The following PTK7 variants were observed in gnomAD, a reference collection of about 807,000 sequenced individuals.
PTK7 encodes the protein inactive tyrosine-protein kinase 7.
In PTK7, 39 loss-of-function variants were observed where a neutral mutation model predicts 116.6. That is an observed-to-expected ratio of 0.33 (90% CI 0.26 to 0.44). PTK7 has a LOEUF of 0.44. Ranked by LOEUF, PTK7 falls within the 20% of genes least tolerant of loss-of-function variation. PTK7 has a pLI of 1.00. For synonymous variants in PTK7, 546 were observed against 563.6 expected (o/e 0.97, Z 0.44); for missense variants, 1,169 against 1,425.6 (o/e 0.82, Z 2.90).
At chr6:43,107,444 A>G (rs1303866489) in intron 1 of PTK7, among the ~76,000 whole-genome samples, 1 of 152,228 alleles carries the variant, frequency 6.6e-6, no homozygotes, top group African/African-American at 2.4e-5. Flanking sequence ...CCTTATCTGC[A>G]TAATGGGGAT....
At chr6:43,104,166 C>G (rs1246311776) in intron 1 of PTK7, among the ~76,000 whole-genome samples, 1 of 152,000 alleles carries the variant, frequency 6.6e-6, no homozygotes, top group Non-Finnish European at 1.5e-5. Flanking sequence ...TATTTCTGAT[C>G]TTATTAATTA....
chr6:43,101,202 C>T lies in PTK7; in HGVS notation c.79+24635C>T, dbSNP rs1340114753. On this transcript the variant is annotated intron_variant, in intron 1 of 19. Transcript: ENST00000230419. Reference sequence around the variant, plus strand: ...TGCACTCCAGCCTGGGCAACAAGAGCGAAGCTCTGTCTCAAAAAAAAAAAA... The same window carrying T: ...TGCACTCCAGCCTGGGCAACAAGAGTGAAGCTCTGTCTCAAAAAAAAAAAA... Among the ~76,000 whole-genome samples the T allele has an allele frequency of 1.2e-4, 15 of 129,344 alleles. No homozygotes were observed. In the East Asian group the frequency reaches 3.1e-3, roughly 26 times the overall value. 84.9% of individuals were successfully genotyped at this position (129,344 alleles called of 152,430 possible).
In PTK7 at chr6:43,160,949, G is replaced by A. The variant is rs1407717941; in HGVS notation, c.*68G>A. On this transcript the variant is annotated 3_prime_UTR_variant, in exon 20 of 20. Transcript: ENST00000230419. ...TCTAGAGGGAAGCTCACAGCATGATGGGCAAGATCCCTGTCCTCCTGGGCC... is the reference window on the plus strand; with the variant it reads ...TCTAGAGGGAAGCTCACAGCATGATAGGCAAGATCCCTGTCCTCCTGGGCC... 6.4e-7 allele frequency: 1 copy of A among 1,563,758 alleles called. No individual in the cohort carries two copies. Among genetic ancestry groups the A allele is most frequent in the African/African-American group, 1.4e-5 (1 of 74,024 alleles).
chr6:43,094,071 T>C (rs1347209737), intron 1 of PTK7, among the ~76,000 whole-genome samples: 1 of 152,228 alleles, frequency 6.6e-6, no homozygotes, highest in Non-Finnish European at 1.5e-5. Context: ...ATTCAGAGGC[T>C]GGAGTAAAGT....
At chr6:43,095,153 A>G (rs1013066564) in intron 1 of PTK7, among the ~76,000 whole-genome samples, 3 of 144,486 alleles carry the variant, frequency 2.1e-5, no homozygotes, top group Non-Finnish European at 3.0e-5. Flanking sequence ...TGAGGTAGGG[A>G]GTTCGAGACC....
intron 1 of PTK7, among the ~76,000 whole-genome samples, chr6:43,089,047 G>A (rs1213234673): frequency 6.6e-6 from 1 of 152,134 alleles, no homozygotes; most frequent in African/African-American, 2.4e-5. Context: ...GGTGCTCCAG[G>A]CCCTGCCTCA....
chr6:43,153,246 G>A (rs576050920), intron 17 of PTK7, among the ~76,000 whole-genome samples: 17 of 152,094 alleles, frequency 1.1e-4, no homozygotes, highest in African/African-American at 1.7e-4. Flanking sequence ...GAGTAGCTGG[G>A]ACTACAGGCG....
chr6:43,109,191 G>T (rs941932805), intron 1 of PTK7, among the ~76,000 whole-genome samples: 4 of 152,114 alleles, frequency 2.6e-5, no homozygotes, highest in Non-Finnish European at 5.9e-5. Context: ...TTCAAGCTGA[G>T]CCTGAACCTT....
chr6:43,105,941 G>C (rs536881889), intron 1 of PTK7, among the ~76,000 whole-genome samples: 1 of 152,284 alleles, frequency 6.6e-6, no homozygotes, highest in South Asian at 2.1e-4. Flanking sequence ...GCAGCCCTGG[G>C]AAACTGATAG....
chr6:43,091,986 C>T (rs981329669), intron 1 of PTK7, among the ~76,000 whole-genome samples: 7 of 152,150 alleles, frequency 4.6e-5, no homozygotes, highest in African/African-American at 1.7e-4. Flanking sequence ...CCTTAGCCCC[C>T]TGAGCAGCTG....
At chr6:43,116,157 C>T (rs1032758863) in intron 1 of PTK7, among the ~76,000 whole-genome samples, 1 of 152,078 alleles carries the variant, frequency 6.6e-6, no homozygotes, top group African/African-American at 2.4e-5. Context: ...TTGTAAGACC[C>T]CTCCCCAGAA....
At chr6:43,155,308 G>C (rs1217473332) in intron 17 of PTK7, among the ~76,000 whole-genome samples, 1 of 152,028 alleles carries the variant, frequency 6.6e-6, no homozygotes, top group East Asian at 1.9e-4. Context: ...CAGGTGCCTG[G>C]CTTCAATTTA....
Position 43,076,774 on chromosome 6 carries a change from A to AC in PTK7, c.79+211dup, listed in dbSNP as rs1178908197. Reference sequence around the variant, plus strand: ...AAGCCTCCAGGGACGCGGTCAGGGTACCCCTCCCACTCGCGCCGCGGGGAC... The same window carrying AC: ...AAGCCTCCAGGGACGCGGTCAGGGTACCCCCTCCCACTCGCGCCGCGGGGAC... On this transcript the variant is annotated intron_variant, in intron 1 of 19. Transcript: ENST00000230419. This position sits in a 1 kb window ranked among gnomAD's most constrained non-coding sequence, Gnocchi z 5.7. 22 of 1,401,240 alleles carry AC rather than the reference A, an allele frequency of 1.6e-5. No individual in the cohort carries two copies. Among genetic ancestry groups the AC allele is most frequent in the Non-Finnish European group, 1.9e-5 (20 of 1,077,302 alleles). 86.8% of individuals were successfully genotyped at this position (1,401,240 alleles called of 1,614,324 possible). A position where few individuals can be genotyped will look rare whatever the true frequency, so the allele number is the denominator to read the frequency against.
chr6:43,159,068 T>C (rs1771683178), intron 18 of PTK7, 100 bp downstream of exon 18: 4 of 1,454,110 alleles, frequency 2.8e-6, no homozygotes, highest in Admixed American at 1.9e-5. Flanking sequence ...GTTTAGTGCC[T>C]GCTTAGTCCA....
intron 17 of PTK7, among the ~76,000 whole-genome samples, chr6:43,157,174 T>G (rs899245311): frequency 6.7e-6 from 1 of 148,296 alleles, no homozygotes; most frequent in African/African-American, 2.5e-5. Flanking sequence ...TGTGGTTTTT[T>G]TTTTTTTTTC....
At chr6:43,081,135 C>A (rs1766353435) in intron 1 of PTK7, among the ~76,000 whole-genome samples, 1 of 152,222 alleles carries the variant, frequency 6.6e-6, no homozygotes. Flanking sequence ...TCCCACCTTT[C>A]TTTCCTTCGG....
chr6:43,077,056 C>G, intron 1 of PTK7: 2 of 1,304,186 alleles, frequency 1.5e-6, no homozygotes, highest in Non-Finnish European at 9.8e-7. Context: ...GCTTTGTTAC[C>G]TACGCCGACC....
chr6:43,135,215 G>C (rs1561970674), intron 7 of PTK7, among the ~76,000 whole-genome samples: 1 of 152,180 alleles, frequency 6.6e-6, no homozygotes, highest in Non-Finnish European at 1.5e-5. Flanking sequence ...TGTGGCATTT[G>C]AGAGTGTGTG....
At chr6:43,125,491 C>A (rs1769236757) in intron 1 of PTK7, among the ~76,000 whole-genome samples, 1 of 152,184 alleles carries the variant, frequency 6.6e-6, no homozygotes, top group East Asian at 1.9e-4. Flanking sequence ...GGCAGGTGGT[C>A]TGTGGTTCCT....
Sources: gnomAD v4.1 joint callset for allele counts (sites outside exome capture counted in the v4.1 genomes callset) on GRCh38, gnomAD v4.1.1 for gene constraint, Gnocchi (gnomAD v3.1) non-coding constraint, MANE v1.5 for transcripts, NCBI Gene and HGNC (gene_info 2026-07-23, HGNC 2026-07-21) for gene names.